NAALADL2: variants seen among roughly 807,000 people sequenced by gnomAD.
The protein encoded by NAALADL2 is inactive N-acetylated-alpha-linked acidic dipeptidase-like protein 2.
NAALADL2 carries 76 observed loss-of-function variants against 87.2 expected under a neutral mutation model. That is an observed-to-expected ratio of 0.87 (90% CI 0.72 to 1.05). The LOEUF is 1.05. Among genes scored for constraint, NAALADL2 ranks in the 50% least tolerant of loss-of-function variants. NAALADL2 has a pLI of 0.00. For synonymous variants in NAALADL2, 354 were observed against 331.0 expected, an observed-to-expected ratio of 1.07 and a Z score of -0.75; for missense variants, 1,089 against 945.8, an observed-to-expected ratio of 1.15 and a Z score of -1.99.
intron 9 of NAALADL2, among the ~76,000 whole-genome samples, chr3:175,565,734 C>G (rs1056092384): frequency 6.6e-6 from 1 of 151,540 alleles, no homozygotes; most frequent in African/African-American, 2.4e-5. Context: ...CACTGTTAGG[C>G]ATTTCTTCAA....
intron 3 of NAALADL2, among the ~76,000 whole-genome samples, chr3:174,839,727 C>A (rs1182574588): frequency 6.6e-6 from 1 of 151,758 alleles, no homozygotes; most frequent in African/African-American, 2.4e-5. Context: ...TAGAAATGGC[C>A]ATCAAACATG....
At chr3:175,635,827 A>T (rs1728450500) in intron 11 of NAALADL2, among the ~76,000 whole-genome samples, 1 of 152,190 alleles carries the variant, frequency 6.6e-6, no homozygotes, top group Non-Finnish European at 1.5e-5. Context: ...AGGGCAGAAT[A>T]CTGAATGCAT....
At chr3:175,220,316 T>C (rs1435165951) in intron 2 of NAALADL2, among the ~76,000 whole-genome samples, 1 of 151,862 alleles carries the variant, frequency 6.6e-6, no homozygotes, top group Non-Finnish European at 1.5e-5. Context: ...TGTAAAACAA[T>C]CTAGAGGATA....
intron 11 of NAALADL2, among the ~76,000 whole-genome samples, chr3:175,699,551 C>T (rs1210135571): frequency 6.6e-6 from 1 of 152,018 alleles, no homozygotes; most frequent in Non-Finnish European, 1.5e-5. Flanking sequence ...CCCTCTACCC[C>T]TCAGTTACTT....
intron 4 of NAALADL2, among the ~76,000 whole-genome samples, chr3:175,302,381 C>A (rs568504526): frequency 4.1e-4 from 62 of 152,188 alleles, no homozygotes; most frequent in African/African-American, 1.4e-3. Flanking sequence ...GATGATAGTC[C>A]AGTTGGGGCT....
chr3:175,430,701 T>A (rs1021858789), intron 5 of NAALADL2, among the ~76,000 whole-genome samples: 2 of 152,060 alleles, frequency 1.3e-5, no homozygotes, highest in African/African-American at 4.8e-5. Flanking sequence ...GCTAAATATC[T>A]GAGAGTAGCA....
chr3:175,486,698 G>A (rs1727321201), intron 9 of NAALADL2, among the ~76,000 whole-genome samples: 1 of 152,032 alleles, frequency 6.6e-6, no homozygotes, highest in African/African-American at 2.4e-5. Flanking sequence ...GAAACGATAT[G>A]AGTGCCATAA....
intron 1 of NAALADL2, among the ~76,000 whole-genome samples, chr3:174,895,549 T>G (rs1015965895): frequency 1.3e-5 from 2 of 152,070 alleles, no homozygotes. Context: ...ATTCTTCCAG[T>G]AAAGAAAAGC....
intron 2 of NAALADL2, among the ~76,000 whole-genome samples, chr3:174,661,278 A>G (rs981036686): frequency 4.6e-5 from 7 of 152,166 alleles, no homozygotes; most frequent in African/African-American, 1.7e-4. Flanking sequence ...CTTAGAAAAT[A>G]TTATTACTGA....
chr3:174,508,114 G>GTTTTTTTGTTT (rs1553775288), intron 1 of NAALADL2, among the ~76,000 whole-genome samples: 1 of 103,884 alleles, frequency 9.6e-6, no homozygotes, highest in Non-Finnish European at 1.9e-5. Flanking sequence ...ATATCTAGTG[G>GTTTTTTTGTTT]TTTTTTTTTT....
chr3:175,509,972 G>A (rs950687666), intron 9 of NAALADL2, among the ~76,000 whole-genome samples: 19 of 152,032 alleles, frequency 1.2e-4, no homozygotes, highest in African/African-American at 4.3e-4. Flanking sequence ...TTTAGCATTC[G>A]GTATGTCTCC....
chr3:175,427,380 A>G (rs1716997808), intron 5 of NAALADL2, among the ~76,000 whole-genome samples: 1 of 152,214 alleles, frequency 6.6e-6, no homozygotes, highest in Non-Finnish European at 1.5e-5. Context: ...GAACATGAAA[A>G]AAGTTCAAAA....
At chr3:174,489,497 A>G (rs1024704471) in intron 1 of NAALADL2, among the ~76,000 whole-genome samples, 13 of 152,104 alleles carry the variant, frequency 8.5e-5, no homozygotes, top group Admixed American at 2.6e-4. Flanking sequence ...ATTAGAGTTC[A>G]TCAAAATAAA....
At chr3:175,124,036 A>T (rs528648204) in intron 2 of NAALADL2, among the ~76,000 whole-genome samples, 13 of 151,908 alleles carry the variant, frequency 8.6e-5, no homozygotes, top group Admixed American at 2.6e-4. Context: ...CAGATTGCAG[A>T]CCTCTGTGTT....
At chr3:174,886,359 G>T (rs779775909) in intron 1 of NAALADL2, among the ~76,000 whole-genome samples, 1 of 152,066 alleles carries the variant, frequency 6.6e-6, no homozygotes, top group Non-Finnish European at 1.5e-5. Context: ...CATGCTAGCA[G>T]CTGATTAGAT....
At chr3:174,924,802 C>G (rs1735749414) in intron 1 of NAALADL2, among the ~76,000 whole-genome samples, 1 of 152,196 alleles carries the variant, frequency 6.6e-6, no homozygotes, top group Non-Finnish European at 1.5e-5. Context: ...TTGCATTTCT[C>G]TGATGGCCAG....
intron 3 of NAALADL2, among the ~76,000 whole-genome samples, chr3:174,850,009 G>A (rs1725072131): frequency 6.6e-6 from 1 of 151,988 alleles, no homozygotes; most frequent in African/African-American, 2.4e-5. Flanking sequence ...ATAACTTCAG[G>A]TAATTTATTG....
intron 2 of NAALADL2, among the ~76,000 whole-genome samples, chr3:175,208,825 G>A (rs1298691502): frequency 1.3e-5 from 2 of 152,132 alleles, no homozygotes; most frequent in Non-Finnish European, 2.9e-5. Flanking sequence ...ACCATGAATC[G>A]TTTTTGCATT....
chr3:174,472,777 C>T lies in NAALADL2; in HGVS notation c.-184+31745C>T, dbSNP rs186852737. 1.6e-4 allele frequency among the ~76,000 whole-genome samples: 25 copies of T among 152,218 alleles called. 1 individual carries two copies. The highest frequency in any genetic ancestry group is 1.1e-3 in the Admixed American group (17 of 15,286). Reference sequence around the variant, plus strand: ...TGCTGGCTGTAATAGTCTCAGTCCACACCACTAGGCCTAAGTTGCCTCTCA... The same window carrying T: ...TGCTGGCTGTAATAGTCTCAGTCCATACCACTAGGCCTAAGTTGCCTCTCA... On this transcript the variant is annotated intron_variant, in intron 1 of 3. Coordinates refer to the NAALADL2 transcript ENST00000434257.
Sources: gnomAD v4.1 joint callset for allele counts (sites outside exome capture counted in the v4.1 genomes callset) on GRCh38, gnomAD v4.1.1 for gene constraint, MANE v1.5 for transcripts, NCBI Gene and HGNC (gene_info 2026-07-23, HGNC 2026-07-21) for gene names.